Variants in TMEM243 observed in about 807,000 individuals in gnomAD.
The protein encoded by TMEM243 is MDR1 and mitochondrial taxol resistance associated.
In TMEM243, 20 loss-of-function variants were observed where a neutral mutation model predicts 15.0. The observed-to-expected ratio is 1.33, with a 90% CI of 0.94 to 1.93. The LOEUF (loss-of-function observed/expected upper bound fraction) is 1.93. TMEM243 is among the 30% of genes most tolerant of loss of function. The pLI, the probability that TMEM243 is intolerant of heterozygous loss-of-function variation, is 0.00. For missense variants in TMEM243, 156 were observed against 142.1 expected (o/e 1.10, Z -0.50); for synonymous variants, 72 against 52.7 (o/e 1.37, Z -1.59).
intron 1 of TMEM243, among the ~76,000 whole-genome samples, chr7:87,205,522 C>A (rs1017097854): frequency 2.6e-5 from 4 of 152,120 alleles, no homozygotes; most frequent in African/African-American, 9.7e-5. Flanking sequence ...TTAGAAATTT[C>A]TTCTGCCAGA....
chr7:87,198,726 C>T, intron 2 of TMEM243: 3 of 461,196 alleles, frequency 6.5e-6, no homozygotes, highest in South Asian at 5.7e-5. Context: ...TGGTAGATGA[C>T]AGAAGGAAGT....
At chr7:87,214,082 T>G (rs956124737) in intron 1 of TMEM243, among the ~76,000 whole-genome samples, 4 of 152,216 alleles carry the variant, frequency 2.6e-5, no homozygotes, top group Non-Finnish European at 5.9e-5. Flanking sequence ...TTGCACTACA[T>G]GGCACCAAGT....
chr7:87,196,534 A>T lies in TMEM243; in HGVS notation c.*102T>A, dbSNP rs1388799748. 1 of 1,128,870 alleles carries T rather than the reference A, an allele frequency of 8.9e-7. No homozygotes were observed. The highest frequency in any genetic ancestry group is 2.6e-5 in the East Asian group (1 of 38,126). The allele number at this position is 1,128,870 out of a possible 1,614,324, so 69.9% of individuals were successfully genotyped here. A position where few individuals can be genotyped will look rare whatever the true frequency, so the allele number is the denominator to read the frequency against. On this transcript the variant is annotated 3_prime_UTR_variant, in exon 4 of 4. Coordinates refer to ENST00000257637, the MANE Select transcript of TMEM243 (RefSeq NM_024315.4). Reference sequence around the variant, plus strand: ...ACAATTAACATGAAAATCATGTATCAGACTTCTGCAGGAGATTCTTCAGCA... The same window carrying T: ...ACAATTAACATGAAAATCATGTATCTGACTTCTGCAGGAGATTCTTCAGCA...
Position 87,211,991 on chromosome 7 carries a change from C to CGTAA in TMEM243, c.78+7434_78+7435insTTAC, listed in dbSNP as rs1378895960. 3.3e-5 allele frequency among the ~76,000 whole-genome samples: 5 copies of CGTAA among 152,364 alleles called. No individual in the cohort carries two copies. The East Asian group carries it at 9.6e-4, about 29-fold the overall frequency. On this transcript the variant is annotated intron_variant, in intron 1 of 3. Transcript: ENST00000257637. ...GCACACCCACCCTTTACAACTTTTA[C>CGTAA]ACTCGATTCTCTCCCAAACACATGA...
At chr7:87,209,062 C>T (rs1802423748) in intron 1 of TMEM243, among the ~76,000 whole-genome samples, 1 of 152,224 alleles carries the variant, frequency 6.6e-6, no homozygotes, top group Non-Finnish European at 1.5e-5. Flanking sequence ...GGGTGGACTG[C>T]CCCTGCTTCT....
rs1247385987 is a variant in TMEM243 at position 87,197,635 on chromosome 7, G to C, written c.234+306C>G. 5.9e-6 allele frequency: 6 copies of C among 1,020,682 alleles called. No homozygotes were observed. The South Asian group carries it at 8.5e-5, about 15-fold the overall frequency. 63.2% of individuals were successfully genotyped at this position (1,020,682 alleles called of 1,614,324 possible). ...CTGTTGGCCCTTACGTAGTCCTTGAGTGAAGATGAATTAAGTAAATTAAAA... is the reference window on the plus strand; with the variant it reads ...CTGTTGGCCCTTACGTAGTCCTTGACTGAAGATGAATTAAGTAAATTAAAA... On this transcript the variant is annotated intron_variant, in intron 3 of 3. Coordinates refer to ENST00000257637, the MANE Select transcript of TMEM243 (RefSeq NM_024315.4).
At chr7:87,219,783 G>T, upstream of TMEM243, 1 of 460,040 alleles carries the variant, frequency 2.2e-6, no homozygotes, top group Non-Finnish European at 3.9e-6. Flanking sequence ...GCCCCCGCCC[G>T]GGCAGCTCCC....
At chr7:87,209,661 CGAGAGAGAGCGAGAGCGAGACACAGCGA>C (rs1802521782) in intron 1 of TMEM243, among the ~76,000 whole-genome samples, 1 of 10,680 alleles carries the variant, frequency 9.4e-5, no homozygotes, top group Non-Finnish European at 1.5e-4. Flanking sequence ...AGAGACAGAG[CGAGAGAGAGCGAGAGCGAGACACAGCGA>C]GAGAGCGAGA....
At chr7:87,213,020 A>G (rs1182203490) in intron 1 of TMEM243, among the ~76,000 whole-genome samples, 1 of 152,250 alleles carries the variant, frequency 6.6e-6, no homozygotes, top group African/African-American at 2.4e-5. Context: ...GTAGGGAATC[A>G]GACTGAGCAG....
chr7:87,201,249 G>A (rs1801785296), intron 1 of TMEM243, among the ~76,000 whole-genome samples: 1 of 152,200 alleles, frequency 6.6e-6, no homozygotes, highest in Non-Finnish European at 1.5e-5. Flanking sequence ...AACTTCAGAA[G>A]CCCTCCTACT....
At chr7:87,219,365 G>T in intron 1 of TMEM243, 61 bp downstream of exon 1, 2 of 1,552,170 alleles carry the variant, frequency 1.3e-6, no homozygotes, top group Non-Finnish European at 1.8e-6. Flanking sequence ...CCCGGACTCC[G>T]CCAGAGGGCA....
At chr7:87,209,581 AGAGACAGT>A (rs1273307834) in intron 1 of TMEM243, among the ~76,000 whole-genome samples, 12 of 151,142 alleles carry the variant, frequency 7.9e-5, no homozygotes, top group African/African-American at 1.2e-4. Flanking sequence ...AGACAGTGAG[AGAGACAGT>A]GAGACAGTGA....
chr7:87,204,176 T>C (rs10231010), intron 1 of TMEM243, among the ~76,000 whole-genome samples: 128,580 of 152,118 alleles, frequency 0.85, 54,524 homozygotes, highest in Middle Eastern at 0.96. Flanking sequence ...CATTCACTAC[T>C]ACGAGAACAG....
intron 1 of TMEM243, among the ~76,000 whole-genome samples, chr7:87,200,402 C>T (rs1422595933): frequency 1.3e-5 from 2 of 152,134 alleles, no homozygotes; most frequent in African/African-American, 4.8e-5. Context: ...TTAACTTCTT[C>T]CCACATGGGA....
At chr7:87,209,851 C>CGA (rs1261047220) in intron 1 of TMEM243, among the ~76,000 whole-genome samples, 1 of 122,522 alleles carries the variant, frequency 8.2e-6, no homozygotes, top group African/African-American at 3.5e-5. Flanking sequence ...ACAGTGAGAG[C>CGA]GAGAGAGAGA....
At position 87,196,627 on chromosome 7, in the gene TMEM243, T is replaced by G. The variant is rs1478207275; in HGVS notation, c.*9A>C. The G allele has an allele frequency of 5.0e-6, 8 of 1,607,758 alleles. No homozygotes were observed. The highest frequency in any genetic ancestry group is 2.7e-5 in the African/African-American group (2 of 74,466). On this transcript the variant is annotated 3_prime_UTR_variant, in exon 4 of 4. Coordinates refer to ENST00000257637, the MANE Select transcript of TMEM243 (RefSeq NM_024315.4). ...GAAGAGTCCTGGTAAGTACTTCTCC[T>G]TGGCAGCCTCACCTTCCCACATCAT...
At position 87,219,432 on chromosome 7, in the gene TMEM243, G is replaced by C. The variant is rs776317000; in HGVS notation, c.72C>G (p.Ser24=). The change falls in exon 1 of 4, where the codon TCC becomes TCG. Residue 24 remains serine, a synonymous_variant. Coordinates refer to ENST00000257637, the MANE Select transcript of TMEM243 (RefSeq NM_024315.4). ...LDNRPLFGET[S]AKDRIINLVV... is the part of the protein sequence containing the mutation. ...AGTCACAATCCGCACTCACCTTGGCGGACGTCTCCCCAAACAGAGGTCTGT... is the reference window on the plus strand; with the variant it reads ...AGTCACAATCCGCACTCACCTTGGCCGACGTCTCCCCAAACAGAGGTCTGT... The C allele has an allele frequency of 6.2e-7, 1 of 1,614,050 alleles. No homozygotes were observed. Among genetic ancestry groups the C allele is most frequent in the African/African-American group, 1.3e-5 (1 of 74,922 alleles).
At chr7:87,200,834 C>A (rs1801749461) in intron 1 of TMEM243, among the ~76,000 whole-genome samples, 1 of 152,148 alleles carries the variant, frequency 6.6e-6, no homozygotes, top group African/African-American at 2.4e-5. Flanking sequence ...ACCCAAAGAA[C>A]AACCTAGAGT....
rs765344003 is a variant in TMEM243 at position 87,199,066 on chromosome 7, GAA to G, written c.79-11_79-10del. On this transcript the variant is annotated splice_polypyrimidine_tract_variant and intron_variant, in intron 1 of 3. Coordinates refer to ENST00000257637, the MANE Select transcript of TMEM243 (RefSeq NM_024315.4). ...AAATTGATGATTCGATCCTGAAAGA[GAA>G]AAGAATTTTTAAGCCATATGACTTG... The G allele has an allele frequency of 1.2e-6, 2 of 1,603,184 alleles. No individual in the cohort carries two copies. The highest frequency in any genetic ancestry group is 2.2e-5 in the South Asian group (2 of 89,146).
Sources: allele counts gnomAD v4.1 joint callset (sites outside exome capture counted in the v4.1 genomes callset), GRCh38; gene constraint gnomAD v4.1.1; transcripts MANE v1.5; gene names NCBI Gene and HGNC (gene_info 2026-07-23, HGNC 2026-07-21).